RYR2: variants seen among roughly 807,000 people sequenced by gnomAD.
RYR2 encodes ryanodine receptor 2, also known as cardiac muscle ryanodine receptor-calcium release channel.
RYR2 carries 227 observed loss-of-function variants against 601.1 expected under a neutral mutation model. That is an observed-to-expected ratio of 0.38 (90% CI 0.34 to 0.42). The LOEUF (loss-of-function observed/expected upper bound fraction) is 0.42, where lower values mean the gene tolerates loss of function less well. RYR2 is among the 10% of genes least tolerant of loss of function. The pLI is 1.00. For missense variants in RYR2, 4,646 were observed against 6,156.5 expected, an observed-to-expected ratio of 0.75 and a Z score of 8.21; for synonymous variants, 2,223 against 2,175.1, an observed-to-expected ratio of 1.02 and a Z score of -0.61.
chr1:237,418,324 G>A (rs1705219517), intron 11 of RYR2, among the ~76,000 whole-genome samples: 1 of 152,166 alleles, frequency 6.6e-6, no homozygotes, highest in Non-Finnish European at 1.5e-5. Flanking sequence ...TCACAGGTGT[G>A]AGCCACCACG....
chr1:237,469,902 T>C (rs1572467421), intron 17 of RYR2, among the ~76,000 whole-genome samples: 1 of 152,234 alleles, frequency 6.6e-6, no homozygotes, highest in Non-Finnish European at 1.5e-5. Context: ...TGGAGACTTA[T>C]CAATGACTGT....
At chr1:237,723,548 T>C (rs899035294) in intron 74 of RYR2, among the ~76,000 whole-genome samples, 8 of 152,212 alleles carry the variant, frequency 5.3e-5, no homozygotes, top group Non-Finnish European at 8.8e-5. Flanking sequence ...TTTAAATTAT[T>C]CTAACCAAAA....
At chr1:237,529,795 A>ACACACACC (rs1558975375) in intron 24 of RYR2, among the ~76,000 whole-genome samples, 1 of 149,748 alleles carries the variant, frequency 6.7e-6, no homozygotes, top group Non-Finnish European at 1.5e-5. Flanking sequence ...ACACACACAC[A>ACACACACC]CACCACGTAT....
intron 43 of RYR2, 43 bp downstream of exon 43, chr1:237,633,753 A>G (rs1680577402): frequency 2.0e-6 from 3 of 1,536,632 alleles, no homozygotes; most frequent in Middle Eastern, 1.8e-4. Flanking sequence ...TTGAAATAAT[A>G]TAATATTACA....
intron 27 of RYR2, among the ~76,000 whole-genome samples, chr1:237,559,770 G>A (rs1253695945): frequency 6.6e-6 from 1 of 152,108 alleles, no homozygotes; most frequent in Non-Finnish European, 1.5e-5. Flanking sequence ...AATGTAATTT[G>A]GTAACTCTGT....
intron 1 of RYR2, among the ~76,000 whole-genome samples, chr1:237,122,924 G>C (rs1258481963): frequency 6.6e-6 from 1 of 152,014 alleles, no homozygotes; most frequent in Non-Finnish European, 1.5e-5. Context: ...ATGTATATAA[G>C]GGCTACAATA....
At chr1:237,531,967 C>T (rs61832561) in intron 25 of RYR2, among the ~76,000 whole-genome samples, 7 of 152,030 alleles carry the variant, frequency 4.6e-5, no homozygotes, top group African/African-American at 1.7e-4. Flanking sequence ...AATTATTTCT[C>T]CTACTGTATA....
At chr1:237,356,183 G>C (rs574585131) in intron 4 of RYR2, among the ~76,000 whole-genome samples, 198 bp downstream of exon 4, 1 of 151,882 alleles carries the variant, frequency 6.6e-6, no homozygotes, top group African/African-American at 2.4e-5. Flanking sequence ...CTGAAATGGG[G>C]CATATTAAAG....
intron 10 of RYR2, among the ~76,000 whole-genome samples, chr1:237,402,447 G>T (rs1703439421): frequency 6.6e-6 from 1 of 150,814 alleles, no homozygotes; most frequent in South Asian, 2.1e-4. Flanking sequence ...AGAATTAAAA[G>T]ATGCAACAAT....
rs570792785 is a variant in RYR2 at position 237,456,520 on chromosome 1, C to A, written c.1477-80C>A. On this transcript the variant is annotated intron_variant, in intron 15 of 104. Transcript: ENST00000366574. ...TTCAGTCAGACTTCTATTTTTAAATCAACTTAGCATTTTTAGTCTGTAAGC... is the reference window on the plus strand; with the variant it reads ...TTCAGTCAGACTTCTATTTTTAAATAAACTTAGCATTTTTAGTCTGTAAGC... 1.1e-5 allele frequency: 15 copies of A among 1,366,112 alleles called. No homozygotes were observed. In the Admixed American group the frequency reaches 3.0e-4, roughly 27 times the overall value. The allele number at this position is 1,366,112 out of a possible 1,614,324, so 84.6% of individuals were successfully genotyped here.
At chr1:237,082,524 C>CATAT (rs71561856) in intron 1 of RYR2, among the ~76,000 whole-genome samples, 3,853 of 79,768 alleles carry the variant, frequency 0.048, 162 homozygotes, top group African/African-American at 0.064. Flanking sequence ...AATAGGAAAA[C>CATAT]ATATATATAT....
At chr1:237,371,395 G>A (rs1263029486) in intron 6 of RYR2, among the ~76,000 whole-genome samples, 2 of 151,980 alleles carry the variant, frequency 1.3e-5, no homozygotes, top group East Asian at 3.9e-4. Context: ...AGGCTGAAAC[G>A]ATCCTCTCGC....
chr1:237,253,231 T>G (rs1197789706), intron 1 of RYR2, among the ~76,000 whole-genome samples: 3 of 26,960 alleles, frequency 1.1e-4, no homozygotes, highest in African/African-American at 1.3e-4. Context: ...TACAAATTAT[T>G]ATTATATTAT....
At chr1:237,043,407 GC>G (rs1377907993) in intron 1 of RYR2, among the ~76,000 whole-genome samples, 1 of 152,184 alleles carries the variant, frequency 6.6e-6, no homozygotes, top group Non-Finnish European at 1.5e-5. Context: ...AAGTGTAAGG[GC>G]AGGGTGGCTG....
At chr1:237,129,057 C>G (rs937951856) in intron 1 of RYR2, among the ~76,000 whole-genome samples, 1 of 152,136 alleles carries the variant, frequency 6.6e-6, no homozygotes, top group Non-Finnish European at 1.5e-5. Context: ...ACATTTTAGA[C>G]ATTCAAGGGC....
chr1:237,569,782 G>A (rs1157768284), intron 29 of RYR2, among the ~76,000 whole-genome samples: 1 of 152,170 alleles, frequency 6.6e-6, no homozygotes, highest in Non-Finnish European at 1.5e-5. Flanking sequence ...TTACCTGCCA[G>A]GGGAGGTTGA....
intron 86 of RYR2, among the ~76,000 whole-genome samples, chr1:237,772,679 A>C (rs553694132): frequency 6.6e-6 from 1 of 152,264 alleles, no homozygotes; most frequent in East Asian, 1.9e-4. Flanking sequence ...TTTATTTATA[A>C]GCTAAACCAG....
At position 237,321,517 on chromosome 1, in the gene RYR2, T is replaced by C. The variant is rs377243925; in HGVS notation, c.169-9361T>C. 5.9e-5 allele frequency among the ~76,000 whole-genome samples: 9 copies of C among 152,280 alleles called. No individual in the cohort carries two copies. In the East Asian group the frequency reaches 1.7e-3, roughly 29 times the overall value. On this transcript the variant is annotated intron_variant, in intron 2 of 104. Coordinates refer to ENST00000366574, the MANE Select transcript of RYR2 (RefSeq NM_001035.3). ...TAGGAAAGTGGGCCAAGGATGTTGG[T>C]AGAGGATCACTAGGTTCGATGTCAT... is the stretch of plus-strand genomic sequence containing the variant.
At chr1:237,578,947 T>C in intron 29 of RYR2, among the ~76,000 whole-genome samples, 1 of 152,302 alleles carries the variant, frequency 6.6e-6, no homozygotes, top group South Asian at 2.1e-4. Context: ...GGGTTGGGTT[T>C]ATCTCTCCCT....
Sources: gnomAD v4.1 joint callset for allele counts (sites outside exome capture counted in the v4.1 genomes callset) on GRCh38, gnomAD v4.1.1 for gene constraint, MANE v1.5 for transcripts, NCBI Gene and HGNC (gene_info 2026-07-23, HGNC 2026-07-21) for gene names.